CCSER1: variants seen among roughly 807,000 people sequenced by gnomAD.
CCSER1 encodes the protein coiled-coil serine rich protein 1, also known as serine-rich coiled-coil domain-containing protein 1.
Under a neutral mutation model 82.0 loss-of-function variants are expected in CCSER1, and 41 were observed. That is an observed-to-expected ratio of 0.50 (90% CI 0.39 to 0.65). The LOEUF (loss-of-function observed/expected upper bound fraction) is 0.65, where lower values mean the gene tolerates loss of function less well. CCSER1 is among the 30% of genes least tolerant of loss of function. CCSER1 has a pLI of 0.00. For synonymous variants in CCSER1, 414 were observed against 383.9 expected, an observed-to-expected ratio of 1.08 and a Z score of -0.92; for missense variants, 1,119 against 1,064.2, an observed-to-expected ratio of 1.05 and a Z score of -0.72.
chr4:91,054,199 C>A (rs889453376), intron 9 of CCSER1, among the ~76,000 whole-genome samples: 1 of 152,124 alleles, frequency 6.6e-6, no homozygotes, highest in Non-Finnish European at 1.5e-5. Context: ...TGGAGCTGTC[C>A]GCAATCACAG....
At chr4:90,815,627 A>G in intron 7 of CCSER1, 135 bp from the exon 8 acceptor site, 1 of 574,824 alleles carries the variant, frequency 1.7e-6, no homozygotes, top group Non-Finnish European at 3.0e-6. Flanking sequence ...ATTATGAAAA[A>G]TATCATACTA....
intron 6 of CCSER1, among the ~76,000 whole-genome samples, chr4:90,656,569 A>G (rs541126628): frequency 1.3e-5 from 2 of 151,904 alleles, no homozygotes; most frequent in African/African-American, 4.8e-5. Context: ...GTGACAGCAT[A>G]TAGTTGGCTT....
chr4:91,076,029 A>C (rs1721959150), intron 9 of CCSER1, among the ~76,000 whole-genome samples: 1 of 152,306 alleles, frequency 6.6e-6, no homozygotes, highest in South Asian at 2.1e-4. Context: ...TTCTGCTATC[A>C]GTTAAGGCTT....
At chr4:90,663,860 A>T (rs1055507295) in intron 6 of CCSER1, 2 of 366,958 alleles carry the variant, frequency 5.5e-6, no homozygotes, top group Non-Finnish European at 1.1e-5. Context: ...CTTGTCAAGG[A>T]TGAGTGTTTC....
At chr4:90,277,140 T>C (rs1017994612) in intron 1 of CCSER1, among the ~76,000 whole-genome samples, 3 of 152,148 alleles carry the variant, frequency 2.0e-5, no homozygotes, top group Middle Eastern at 6.8e-3. Context: ...TACGAGTGGT[T>C]AGAGTGGGCA....
intron 10 of CCSER1, among the ~76,000 whole-genome samples, chr4:91,176,438 G>T (rs1351525222): frequency 2.0e-5 from 3 of 152,114 alleles, no homozygotes; most frequent in Non-Finnish European, 2.9e-5. Context: ...TCACGATATT[G>T]ATTCTTCCTA....
At chr4:90,883,017 C>T (rs867858131) in intron 8 of CCSER1, among the ~76,000 whole-genome samples, 1 of 151,922 alleles carries the variant, frequency 6.6e-6, no homozygotes, top group African/African-American at 2.4e-5. Flanking sequence ...CTAATATTAT[C>T]CCAGTTAGAC....
chr4:90,456,623 C>T (rs770727696), intron 4 of CCSER1, among the ~76,000 whole-genome samples: 1 of 152,162 alleles, frequency 6.6e-6, no homozygotes, highest in Non-Finnish European at 1.5e-5. Flanking sequence ...AGCCAACATT[C>T]CCAACACCCA....
intron 5 of CCSER1, among the ~76,000 whole-genome samples, chr4:90,621,899 CCT>C (rs1280027675): frequency 6.6e-6 from 1 of 152,178 alleles, no homozygotes; most frequent in African/African-American, 2.4e-5. Context: ...ATTGCTGCAG[CCT>C]CTGTTTTTAG....
intron 6 of CCSER1, among the ~76,000 whole-genome samples, chr4:90,698,605 C>A (rs985199098): frequency 6.6e-6 from 1 of 152,268 alleles, no homozygotes; most frequent in Non-Finnish European, 1.5e-5. Context: ...AATGATCCAA[C>A]TATGGTCAAT....
chr4:91,176,211 G>T (rs895956085), intron 10 of CCSER1, among the ~76,000 whole-genome samples: 9 of 151,980 alleles, frequency 5.9e-5, no homozygotes, highest in Admixed American at 1.3e-4. Context: ...AGTACCTGCT[G>T]TTTTGGTTAC....
intron 10 of CCSER1, among the ~76,000 whole-genome samples, chr4:91,122,642 G>A (rs746010554): frequency 1.8e-4 from 28 of 151,776 alleles, no homozygotes; most frequent in Admixed American, 5.3e-4. Flanking sequence ...ATCATATTCC[G>A]TTGGAAGTGT....
intron 9 of CCSER1, among the ~76,000 whole-genome samples, chr4:91,063,066 A>C (rs1744091285): frequency 6.6e-6 from 1 of 152,134 alleles, no homozygotes; most frequent in Admixed American, 6.6e-5. Context: ...AAAATGAAAA[A>C]CAGATACCTA....
chr4:91,432,539 C>A (rs868586065), intron 10 of CCSER1, among the ~76,000 whole-genome samples: 1 of 152,058 alleles, frequency 6.6e-6, no homozygotes, highest in Non-Finnish European at 1.5e-5. Flanking sequence ...GTTTCCTATA[C>A]CCTCATCTAG....
intron 10 of CCSER1, among the ~76,000 whole-genome samples, chr4:91,167,082 G>A (rs1732158789): frequency 6.6e-6 from 1 of 151,046 alleles, no homozygotes; most frequent in Non-Finnish European, 1.5e-5. Context: ...TGTCCCCTAA[G>A]TAAATGTATT....
intron 5 of CCSER1, among the ~76,000 whole-genome samples, chr4:90,594,389 A>G (rs1579355065): frequency 6.6e-6 from 1 of 152,040 alleles, no homozygotes; most frequent in Non-Finnish European, 1.5e-5. Context: ...CCCCCATGAT[A>G]TGTATATAAA....
intron 7 of CCSER1, among the ~76,000 whole-genome samples, chr4:90,813,073 G>A (rs1758557604): frequency 6.6e-6 from 1 of 152,138 alleles, no homozygotes; most frequent in Non-Finnish European, 1.5e-5. Context: ...ACTCATTACA[G>A]CATTAACTCA....
intron 10 of CCSER1, among the ~76,000 whole-genome samples, chr4:91,465,583 C>A (rs1453185656): frequency 6.6e-6 from 1 of 151,738 alleles, no homozygotes; most frequent in African/African-American, 2.4e-5. Context: ...TTGAAAAGAT[C>A]AACAAAATTG....
At chr4:90,822,853 C>T (rs1386835023) in intron 8 of CCSER1, among the ~76,000 whole-genome samples, 1 of 150,806 alleles carries the variant, frequency 6.6e-6, no homozygotes, top group Non-Finnish European at 1.5e-5. Context: ...ACTTTAATAA[C>T]AGCCCTTAAT....
Sources: gnomAD v4.1 joint callset for allele counts (sites outside exome capture counted in the v4.1 genomes callset) on GRCh38, gnomAD v4.1.1 for gene constraint, MANE v1.5 for transcripts, NCBI Gene and HGNC (gene_info 2026-07-23, HGNC 2026-07-21) for gene names.